The following ABCC8 variants were observed in gnomAD, a reference collection of about 807,000 sequenced individuals.
The protein encoded by ABCC8 is ATP binding cassette subfamily C member 8.
In ABCC8, 137 loss-of-function variants were observed where a neutral mutation model predicts 188.0. The observed-to-expected ratio is 0.73, with a 90% confidence interval of 0.63 to 0.84. ABCC8 has a LOEUF of 0.84. Ranked by LOEUF, ABCC8 falls within the 40% of genes least tolerant of loss-of-function variation. The probability of loss-of-function intolerance (pLI) is 0.00; values close to 1 mark genes in which losing one functional copy is unlikely to be tolerated. For missense variants in ABCC8, 1,750 were observed against 2,072.7 expected, an observed-to-expected ratio of 0.84 and a Z score of 3.02; for synonymous variants, 797 against 846.5, an observed-to-expected ratio of 0.94 and a Z score of 1.01.
chr11:17,401,316 T>C (rs1006932421), intron 29 of ABCC8, among the ~76,000 whole-genome samples: 3 of 152,210 alleles, frequency 2.0e-5, no homozygotes, highest in African/African-American at 7.2e-5. Context: ...CAAGCTTCTT[T>C]GTGGAAGACA....
chr11:17,417,392 A>G (rs1033593438), intron 16 of ABCC8, among the ~76,000 whole-genome samples: 44 of 152,196 alleles, frequency 2.9e-4, no homozygotes, highest in African/African-American at 1.1e-3. Context: ...AAAAGAATAG[A>G]TGGAATCAGT....
intron 10 of ABCC8, among the ~76,000 whole-genome samples, chr11:17,433,061 G>C (rs1040816771): frequency 6.6e-6 from 1 of 152,164 alleles, no homozygotes; most frequent in Non-Finnish European, 1.5e-5. Flanking sequence ...GTGAGCCCCA[G>C]GTGCTGCCTA....
chr11:17,407,686 T>A (rs577949397), intron 23 of ABCC8, among the ~76,000 whole-genome samples: 27 of 152,160 alleles, frequency 1.8e-4, no homozygotes, highest in Non-Finnish European at 3.8e-4. Context: ...CTGTTTTTAG[T>A]CTCTGTGATT....
At chr11:17,429,027 T>G (rs1355662682) in intron 12 of ABCC8, 1 of 328,800 alleles carries the variant, frequency 3.0e-6, no homozygotes, top group Non-Finnish European at 5.7e-6. Context: ...AATCAATAGC[T>G]AGTATTTTGT....
At chr11:17,432,274 T>A in intron 10 of ABCC8, 30 bp from the exon 11 acceptor site, 2 of 1,551,744 alleles carry the variant, frequency 1.3e-6, no homozygotes, top group Non-Finnish European at 1.7e-6. Flanking sequence ...AGGCGTTTAG[T>A]GGGAGGAGCG....
At chr11:17,469,906 G>C (rs1848384074) in intron 3 of ABCC8, among the ~76,000 whole-genome samples, 195 bp downstream of exon 3, 1 of 152,060 alleles carries the variant, frequency 6.6e-6, no homozygotes, top group Non-Finnish European at 1.5e-5. Flanking sequence ...CTATTTGTTT[G>C]CTTGTTTATT....
At chr11:17,476,516 G>A in intron 1 of ABCC8, 113 bp downstream of exon 1, 1 of 1,351,348 alleles carries the variant, frequency 7.4e-7, no homozygotes, top group Non-Finnish European at 1.0e-6. Flanking sequence ...CCGGGAACGA[G>A]GCGGACGGCG....
chr11:17,424,214 G>A (rs1564918219), intron 16 of ABCC8, among the ~76,000 whole-genome samples: 1 of 103,352 alleles, frequency 9.7e-6, no homozygotes, highest in African/African-American at 3.3e-5. Flanking sequence ...CCTAATACAT[G>A]TGGGGCTTAA....
At position 17,395,859 on chromosome 11, in the gene ABCC8, C is replaced by T. The variant is rs758767782; in HGVS notation, c.4191G>A (p.Thr1397=). The T allele has an allele frequency of 1.2e-5, 19 of 1,582,024 alleles. 1 individual carries two copies. Among genetic ancestry groups the T allele is most frequent in the Middle Eastern group, 1.7e-4 (1 of 6,030 alleles). The part of the protein sequence containing the change: ...FSLAFFRMVD[T]FEGHIIIDGI... ...GCCCGCCTTACAACTCACCTTCGAA[C>T]GTGTCCACCATGCGGAAGAAGGCAA... The change falls in exon 34 of 39, where the codon ACG becomes ACA. Residue 1397 remains threonine, a synonymous_variant. Coordinates refer to ENST00000389817, the MANE Select transcript of ABCC8 (RefSeq NM_000352.6).
In ABCC8 at chr11:17,395,872, C is replaced by A. The variant is rs769279368; in HGVS notation, c.4178G>T (p.Arg1393Leu). Reference sequence around the variant, plus strand: ...CTCACCTTCGAACGTGTCCACCATGCGGAAGAAGGCAAGAGAGAAGGAGGA... The same window carrying A: ...CTCACCTTCGAACGTGTCCACCATGAGGAAGAAGGCAAGAGAGAAGGAGGA... ...GKSSFSLAFF[R>L]MVDTFEGHII... Residue 1393 changes from arginine (R) to leucine (L), a missense_variant, in exon 34 of 39, where the codon CGC becomes CTC. Transcript: ENST00000389817. 4 of 1,587,092 alleles carry A rather than the reference C, an allele frequency of 2.5e-6. No homozygotes were observed. The highest frequency in any genetic ancestry group is 2.7e-5 in the African/African-American group (2 of 74,626).
chr11:17,473,009 T>A (rs1198044461), intron 2 of ABCC8, among the ~76,000 whole-genome samples: 1 of 152,166 alleles, frequency 6.6e-6, no homozygotes, highest in African/African-American at 2.4e-5. Context: ...CTTGAAATAA[T>A]TTTGAAACAC....
intron 2 of ABCC8, among the ~76,000 whole-genome samples, chr11:17,472,301 G>C (rs1329497150): frequency 6.6e-6 from 1 of 152,130 alleles, no homozygotes. Flanking sequence ...AGTGTATGGT[G>C]GTCTGGGAAA....
intron 6 of ABCC8, 85 bp downstream of exon 6, chr11:17,460,403 G>T: frequency 1.3e-6 from 2 of 1,598,200 alleles, no homozygotes; most frequent in Non-Finnish European, 1.7e-6. Flanking sequence ...TGTGGCCATG[G>T]CTCACACACA....
intron 8 of ABCC8, 51 bp from the exon 9 acceptor site, chr11:17,443,363 C>T (rs144518067): frequency 6.2e-7 from 1 of 1,612,978 alleles, no homozygotes; most frequent in African/African-American, 1.3e-5. Flanking sequence ...GTTGCCCTGC[C>T]AGGAGGTGCT....
Position 17,427,797 on chromosome 11 carries a change from G to A in ABCC8, c.2116+70C>T. 6.3e-7 allele frequency: 1 copy of A among 1,580,476 alleles called. No individual in the cohort carries two copies. Among genetic ancestry groups the A allele is most frequent in the Non-Finnish European group, 8.6e-7 (1 of 1,158,480 alleles). ...GTAGGTGCTCAATAAATGCAGCTTTGTCTTTTTATCTCTATGTTATTCAGT... is the reference window on the plus strand; with the variant it reads ...GTAGGTGCTCAATAAATGCAGCTTTATCTTTTTATCTCTATGTTATTCAGT... On this transcript the variant is annotated intron_variant, in intron 15 of 38. Transcript: ENST00000389817. This position sits in a 1 kb window ranked among gnomAD's most constrained non-coding sequence, Gnocchi z 5.0.
rs190395695 is a variant in ABCC8 at position 17,406,877 on chromosome 11, G to A, written c.3162+11C>T. Reference sequence around the variant, plus strand: ...CCACTCCCAACCTCTGCCATGGGCCGCCAGTCACACCTGGCTGAGGGAGCA... The same window carrying A: ...CCACTCCCAACCTCTGCCATGGGCCACCAGTCACACCTGGCTGAGGGAGCA... On this transcript the variant is annotated intron_variant, in intron 25 of 38. Coordinates refer to ENST00000389817, the MANE Select transcript of ABCC8 (RefSeq NM_000352.6). 1.0e-4 allele frequency: 161 copies of A among 1,614,058 alleles called. 1 individual carries two copies. The East Asian group carries it at 1.5e-3, about 15-fold the overall frequency.
At chr11:17,413,649 G>A in intron 19 of ABCC8, 171 bp from the exon 20 acceptor site, 1 of 1,353,084 alleles carries the variant, frequency 7.4e-7, no homozygotes, top group Non-Finnish European at 1.0e-6. Flanking sequence ...AAGAGCTGAG[G>A]TCAGCACTTC....
intron 4 of ABCC8, among the ~76,000 whole-genome samples, chr11:17,462,530 C>T (rs1323384278): frequency 6.6e-6 from 1 of 152,200 alleles, no homozygotes; most frequent in Non-Finnish European, 1.5e-5. Context: ...CCCTTTGACC[C>T]AGCAACGCCA....
At position 17,406,747 on chromosome 11, in the gene ABCC8, C is replaced by G. The variant is rs760793070; in HGVS notation, c.3204G>C (p.Thr1068=). Residue 1068 remains threonine, a synonymous_variant, in exon 26 of 39, where the codon ACG becomes ACC. Coordinates refer to ENST00000389817, the MANE Select transcript of ABCC8 (RefSeq NM_000352.6). ...LDQTVYAMVF[T]VLCSLGIVLC... is the part of the protein sequence containing the mutation. ...GCACAATGCCCAGGCTGCAGAGCAC[C>G]GTGAACACCATGGCATAGACAGTCT... is the stretch of plus-strand genomic sequence containing the variant. The G allele has an allele frequency of 1.1e-5, 17 of 1,614,206 alleles. No individual in the cohort carries two copies. The highest frequency in any genetic ancestry group is 1.4e-5 in the Non-Finnish European group (16 of 1,180,026).
Sources: allele counts gnomAD v4.1 joint callset (sites outside exome capture counted in the v4.1 genomes callset), GRCh38; gene constraint gnomAD v4.1.1; non-coding constraint Gnocchi (gnomAD v3.1); transcripts MANE v1.5; gene names NCBI Gene and HGNC (gene_info 2026-07-23, HGNC 2026-07-21).